BMPR1B: variants seen among roughly 807,000 people sequenced by gnomAD.
BMPR1B encodes the protein bone morphogenetic protein receptor type-1B.
A neutral mutation model predicts 59.1 loss-of-function variants in BMPR1B; 12 were observed. That is an observed-to-expected ratio of 0.20 (90% CI 0.13 to 0.33). BMPR1B has a LOEUF of 0.33. BMPR1B is among the 10% of genes least tolerant of loss of function. The pLI is 1.00. For missense variants in BMPR1B, 550 were observed against 610.9 expected (o/e 0.90, Z 1.05); for synonymous variants, 237 against 207.3 (o/e 1.14, Z -1.23).
In BMPR1B at chr4:95,061,160, A is replaced by AACACACAC. The variant is rs58119571; in HGVS notation, c.-17-43205_-17-43198dup. ...GGAATTTTTGACTTGATTTAGAATA[A>AACACACAC]ACACACACACACACACACACACACA... On this transcript the variant is annotated intron_variant, in intron 3 of 12. Transcript: ENST00000515059. Among the ~76,000 whole-genome samples the AACACACAC allele has an allele frequency of 7.6e-3, 1,086 of 142,600 alleles. 16 individuals are homozygous for AACACACAC. The highest frequency in any genetic ancestry group is 0.038 in the East Asian group (177 of 4,714). 93.6% of individuals were successfully genotyped at this position (142,600 alleles called of 152,430 possible). A position where few individuals can be genotyped will look rare whatever the true frequency, so the allele number is the denominator to read the frequency against.
At chr4:94,829,096 A>C (rs560775195) in intron 1 of BMPR1B, among the ~76,000 whole-genome samples, 13 of 152,170 alleles carry the variant, frequency 8.5e-5, no homozygotes, top group African/African-American at 3.1e-4. Flanking sequence ...GTAGAGCTGG[A>C]TTAACTGTAG....
At chr4:94,864,594 TTGTA>T (rs1230934613) in intron 1 of BMPR1B, among the ~76,000 whole-genome samples, 1 of 152,186 alleles carries the variant, frequency 6.6e-6, no homozygotes, top group African/African-American at 2.4e-5. Context: ...AAAAAACAAA[TTGTA>T]TGTAAGTTGA....
At chr4:95,015,815 C>T (rs1386504800) in intron 3 of BMPR1B, among the ~76,000 whole-genome samples, 1 of 152,080 alleles carries the variant, frequency 6.6e-6, no homozygotes, top group Non-Finnish European at 1.5e-5. Context: ...GCCTCAGCCT[C>T]CCGAATAGCT....
intron 6 of BMPR1B, among the ~76,000 whole-genome samples, chr4:95,120,850 C>G (rs955786936): frequency 6.6e-6 from 1 of 151,412 alleles, no homozygotes; most frequent in South Asian, 2.1e-4. Context: ...TCTCAGTCAC[C>G]CAGGCTGGAG....
At chr4:94,979,800 C>G (rs950837367) in intron 2 of BMPR1B, among the ~76,000 whole-genome samples, 2 of 152,202 alleles carry the variant, frequency 1.3e-5, no homozygotes, top group African/African-American at 4.8e-5. Context: ...ACCAGCTTGG[C>G]TAATCTTCTG....
At chr4:95,046,608 G>A (rs1262258644) in intron 3 of BMPR1B, among the ~76,000 whole-genome samples, 2 of 152,152 alleles carry the variant, frequency 1.3e-5, no homozygotes, top group Non-Finnish European at 2.9e-5. Flanking sequence ...ATGTGTGAAT[G>A]TCATTAGTAA....
chr4:94,780,276 G>A (rs1048943969), intron 1 of BMPR1B, among the ~76,000 whole-genome samples: 8 of 152,106 alleles, frequency 5.3e-5, no homozygotes, highest in Admixed American at 5.2e-4. Context: ...GATACAATAT[G>A]AGATCTCTGG....
At chr4:95,053,323 G>GTGTGTGTGTGTGT (rs1726663706) in intron 3 of BMPR1B, among the ~76,000 whole-genome samples, 9 of 139,356 alleles carry the variant, frequency 6.5e-5, no homozygotes, top group Admixed American at 1.5e-4. Flanking sequence ...GTGTGTGTGT[G>GTGTGTGTGTGTGT]ATGTGCCTGT....
chr4:94,861,905 T>G (rs1429753782), intron 1 of BMPR1B, among the ~76,000 whole-genome samples: 2 of 152,148 alleles, frequency 1.3e-5, no homozygotes, highest in African/African-American at 4.8e-5. Context: ...TTTGTTTGAA[T>G]GAAATATTAC....
At chr4:94,777,240 A>C (rs1382388499) in intron 1 of BMPR1B, among the ~76,000 whole-genome samples, 4 of 152,136 alleles carry the variant, frequency 2.6e-5, no homozygotes, top group African/African-American at 9.7e-5. Context: ...GAAGTGTGTT[A>C]ATATTTCAGT....
chr4:94,883,531 T>TA (rs1215660839), intron 2 of BMPR1B, among the ~76,000 whole-genome samples: 2 of 152,158 alleles, frequency 1.3e-5, no homozygotes, highest in East Asian at 1.9e-4. Context: ...GTTGTTTATG[T>TA]AAAAAAATCA....
At chr4:94,981,993 A>C (rs999131637) in intron 2 of BMPR1B, among the ~76,000 whole-genome samples, 1 of 152,250 alleles carries the variant, frequency 6.6e-6, no homozygotes, top group African/African-American at 2.4e-5. Context: ...CAGTCTTAGG[A>C]GGAATCAGAA....
At chr4:94,798,361 G>A (rs1723274208) in intron 1 of BMPR1B, among the ~76,000 whole-genome samples, 1 of 152,194 alleles carries the variant, frequency 6.6e-6, no homozygotes, top group African/African-American at 2.4e-5. Context: ...ACCACTCCCA[G>A]TATTAAATGT....
intron 1 of BMPR1B, among the ~76,000 whole-genome samples, chr4:94,842,386 A>G (rs1289919150): frequency 1.3e-5 from 2 of 152,204 alleles, no homozygotes; most frequent in Non-Finnish European, 2.9e-5. Context: ...ACTGAAAACT[A>G]TTTGTTAAAT....
At chr4:94,857,053 A>G (rs1725784245) in intron 1 of BMPR1B, among the ~76,000 whole-genome samples, 2 of 152,194 alleles carry the variant, frequency 1.3e-5, no homozygotes, top group African/African-American at 2.4e-5. Flanking sequence ...AAACTGAAGT[A>G]AAGAGTATGC....
chr4:94,841,810 G>A (rs1400723805), intron 1 of BMPR1B, among the ~76,000 whole-genome samples: 1 of 152,216 alleles, frequency 6.6e-6, no homozygotes, highest in African/African-American at 2.4e-5. Flanking sequence ...ATTGATGATA[G>A]TTAATCTGGT....
intron 2 of BMPR1B, among the ~76,000 whole-genome samples, chr4:94,930,205 T>G (rs1729045240): frequency 6.6e-6 from 1 of 152,118 alleles, no homozygotes; most frequent in Non-Finnish European, 1.5e-5. Context: ...TTTCCAAAAT[T>G]CCTAAATGGA....
chr4:94,842,598 C>T (rs6858439), intron 1 of BMPR1B, among the ~76,000 whole-genome samples: 93,261 of 151,850 alleles, frequency 0.61, 29,635 homozygotes, highest in African/African-American at 0.78. Context: ...CTCTATTGCC[C>T]AGGCTGGAAT....
chr4:95,015,928 T>C (rs1263578987), intron 3 of BMPR1B, among the ~76,000 whole-genome samples: 1 of 152,202 alleles, frequency 6.6e-6, no homozygotes, highest in Non-Finnish European at 1.5e-5. Context: ...CTTGACCTTA[T>C]GATCCGCCCG....
Sources: allele counts gnomAD v4.1 joint callset (sites outside exome capture counted in the v4.1 genomes callset), GRCh38; gene constraint gnomAD v4.1.1; transcripts MANE v1.5; gene names NCBI Gene and HGNC (gene_info 2026-07-23, HGNC 2026-07-21).